The following TMEM117 variants were observed in gnomAD, a reference collection of about 807,000 sequenced individuals.
The protein encoded by TMEM117 is transmembrane protein 117.
In TMEM117, 27 loss-of-function variants were observed where a neutral mutation model predicts 52.4. The observed-to-expected ratio is 0.51, with a 90% CI of 0.38 to 0.71. The LOEUF (loss-of-function observed/expected upper bound fraction) is 0.71. Among genes scored for constraint, TMEM117 ranks in the 30% least tolerant of loss-of-function variants. The pLI, the probability that TMEM117 is intolerant of heterozygous loss-of-function variation, is 0.00. For missense variants in TMEM117, 556 were observed against 630.5 expected (o/e 0.88, Z 1.26); for synonymous variants, 215 against 206.3 (o/e 1.04, Z -0.36).
intron 4 of TMEM117, among the ~76,000 whole-genome samples, chr12:44,146,648 A>G (rs933227934): frequency 2.0e-5 from 3 of 152,196 alleles, no homozygotes; most frequent in African/African-American, 4.8e-5. Flanking sequence ...GAGTTTCTGT[A>G]TAAATATTTA....
chr12:44,012,654 T>TA (rs932817553), intron 3 of TMEM117, among the ~76,000 whole-genome samples: 3 of 152,090 alleles, frequency 2.0e-5, no homozygotes, highest in South Asian at 4.1e-4. Context: ...CTGTAGCATT[T>TA]AAAAAAAATC....
chr12:44,345,456 G>A (rs1951472846), intron 6 of TMEM117, among the ~76,000 whole-genome samples: 1 of 152,050 alleles, frequency 6.6e-6, no homozygotes, highest in Admixed American at 6.6e-5. Context: ...TGAGATGAGT[G>A]CATATTTTCT....
chr12:43,902,601 G>A (rs528358881), intron 2 of TMEM117, among the ~76,000 whole-genome samples: 1 of 152,242 alleles, frequency 6.6e-6, no homozygotes, highest in African/African-American at 2.4e-5. Context: ...AAGGGATAGG[G>A]GTAGGAGGGT....
intron 2 of TMEM117, among the ~76,000 whole-genome samples, chr12:43,849,641 A>T (rs560125270): frequency 2.5e-4 from 38 of 150,724 alleles, no homozygotes; most frequent in African/African-American, 8.8e-4. Flanking sequence ...TTTTTTTTTT[A>T]CTTACAGTAG....
At chr12:44,226,564 TC>T (rs1037596584) in intron 5 of TMEM117, among the ~76,000 whole-genome samples, 2 of 151,954 alleles carry the variant, frequency 1.3e-5, no homozygotes, top group Admixed American at 1.3e-4. Context: ...TGAATTTATA[TC>T]CCCCAAATTC....
At chr12:44,325,678 A>C (rs1951185471) in intron 6 of TMEM117, among the ~76,000 whole-genome samples, 1 of 151,818 alleles carries the variant, frequency 6.6e-6, no homozygotes, top group Admixed American at 6.6e-5. Context: ...ATTTGTTCTG[A>C]GTTTTATTTG....
At chr12:44,024,038 C>T (rs570491375) in intron 3 of TMEM117, among the ~76,000 whole-genome samples, 3 of 152,210 alleles carry the variant, frequency 2.0e-5, no homozygotes, top group Non-Finnish European at 2.9e-5. Context: ...GACATCTGCT[C>T]GTTCCACATG....
intron 5 of TMEM117, among the ~76,000 whole-genome samples, chr12:44,270,704 G>T (rs916703647): frequency 1.1e-4 from 16 of 152,014 alleles, no homozygotes; most frequent in Non-Finnish European, 2.1e-4. Flanking sequence ...GTTCTCAAAG[G>T]GAATGCTTTC....
At chr12:44,381,601 G>T (rs1952021424) in intron 7 of TMEM117, among the ~76,000 whole-genome samples, 2 of 152,136 alleles carry the variant, frequency 1.3e-5, no homozygotes, top group South Asian at 2.1e-4. Context: ...AATTCACACT[G>T]TTGGCACGAT....
At chr12:43,852,873 A>G (rs1943334573) in intron 2 of TMEM117, among the ~76,000 whole-genome samples, 1 of 152,134 alleles carries the variant, frequency 6.6e-6, no homozygotes, top group Non-Finnish European at 1.5e-5. Flanking sequence ...CCCTTTTAAC[A>G]CATTGTCAGA....
At chr12:43,879,335 T>C (rs1327761808) in intron 2 of TMEM117, among the ~76,000 whole-genome samples, 1 of 152,222 alleles carries the variant, frequency 6.6e-6, no homozygotes, top group Non-Finnish European at 1.5e-5. Context: ...GAAACAAAAG[T>C]TTCCATGGGG....
At chr12:43,984,410 A>G (rs750543308) in intron 3 of TMEM117, among the ~76,000 whole-genome samples, 1 of 152,028 alleles carries the variant, frequency 6.6e-6, no homozygotes, top group Non-Finnish European at 1.5e-5. Context: ...CAACAACAGC[A>G]TATCATTAGT....
chr12:43,998,117 A>T (rs1946061031), intron 3 of TMEM117, among the ~76,000 whole-genome samples: 1 of 152,164 alleles, frequency 6.6e-6, no homozygotes, highest in African/African-American at 2.4e-5. Flanking sequence ...GGGAAGGTAA[A>T]ATCTATAGCA....
chr12:44,078,676 G>GTAT (rs1157360963), intron 3 of TMEM117, among the ~76,000 whole-genome samples: 1 of 151,736 alleles, frequency 6.6e-6, no homozygotes, highest in Admixed American at 6.6e-5. Context: ...AAATTCTTAG[G>GTAT]TATTATTATT....
chr12:43,955,290 C>T (rs149447703), intron 3 of TMEM117, among the ~76,000 whole-genome samples: 22 of 152,182 alleles, frequency 1.4e-4, no homozygotes, highest in Non-Finnish European at 3.2e-4. Flanking sequence ...AAGTTCTGGC[C>T]AGGGCAATCA....
At chr12:44,190,816 T>C (rs189723951) in intron 4 of TMEM117, among the ~76,000 whole-genome samples, 256 of 151,190 alleles carry the variant, frequency 1.7e-3, no homozygotes, top group Non-Finnish European at 2.5e-3. Context: ...GTATTTCTTA[T>C]GGAAGTTTTA....
chr12:44,256,646 G>T (rs763349056), intron 5 of TMEM117, among the ~76,000 whole-genome samples: 1 of 152,018 alleles, frequency 6.6e-6, no homozygotes, highest in African/African-American at 2.4e-5. Context: ...GAATTGATAT[G>T]ATGTCAGAAA....
At chr12:43,948,349 A>C (rs995029600) in intron 3 of TMEM117, among the ~76,000 whole-genome samples, 1 of 151,584 alleles carries the variant, frequency 6.6e-6, no homozygotes, top group South Asian at 2.1e-4. Context: ...TCTGTCGCCC[A>C]GGCTGGAGTG....
At chr12:44,360,186 T>C (rs1951701894) in intron 6 of TMEM117, among the ~76,000 whole-genome samples, 1 of 152,164 alleles carries the variant, frequency 6.6e-6, no homozygotes, top group African/African-American at 2.4e-5. Context: ...TAAATTTTTC[T>C]TATTAATTAT....
Sources: gnomAD v4.1 joint callset for allele counts (sites outside exome capture counted in the v4.1 genomes callset) on GRCh38, gnomAD v4.1.1 for gene constraint, MANE v1.5 for transcripts, NCBI Gene and HGNC (gene_info 2026-07-23, HGNC 2026-07-21) for gene names.